Variants in FAM124A observed in about 807,000 individuals in gnomAD.
FAM124A encodes the protein family with sequence similarity 124 member A.
In FAM124A, 23 loss-of-function variants were observed where a neutral mutation model predicts 24.5. The ratio of observed to expected loss-of-function variants is 0.94; its 90% CI spans 0.68 to 1.33. The LOEUF (loss-of-function observed/expected upper bound fraction) is 1.33. Among genes scored for constraint, FAM124A ranks in the 40% most tolerant of loss-of-function variants. FAM124A has a pLI of 0.00. For missense variants in FAM124A, 623 were observed against 722.8 expected (o/e 0.86, Z 1.58); for synonymous variants, 287 against 314.7 (o/e 0.91, Z 0.93).
At chr13:51,234,817 C>T (rs1254640274) in intron 2 of FAM124A, among the ~76,000 whole-genome samples, 1 of 152,190 alleles carries the variant, frequency 6.6e-6, no homozygotes, top group Non-Finnish European at 1.5e-5. Context: ...CCAGAATCAA[C>T]CCGAGCTTCT....
chr13:51,224,319 G>C (rs1227717462), intron 1 of FAM124A, among the ~76,000 whole-genome samples: 1 of 152,118 alleles, frequency 6.6e-6, no homozygotes, highest in African/African-American at 2.4e-5. Context: ...AAAATATACA[G>C]AATTAGCCAG....
rs774406822 is a variant in FAM124A at position 51,251,991 on chromosome 13, C to G, written c.624C>G (p.Phe208Leu). The G allele has an allele frequency of 1.9e-6, 3 of 1,614,136 alleles. No homozygotes were observed. The highest frequency in any genetic ancestry group is 1.3e-5 in the African/African-American group (1 of 74,950). Residue 208 changes from phenylalanine to leucine, a missense_variant, in exon 3 of 4, where the codon TTC (phenylalanine) becomes TTG (leucine). Coordinates refer to ENST00000322475, the MANE Select transcript of FAM124A (RefSeq NM_001242312.2). The surrounding 1 kb of genome is among the most constrained non-coding windows in gnomAD (Gnocchi z 5.3). ...PSQKKADFCI[F>L]PIFSNLDVDI... Reference sequence around the variant, plus strand: ...AGAAGAAAGCGGACTTCTGCATCTTCCCTATTTTTTCCAACCTGGATGTGG... The same window carrying G: ...AGAAGAAAGCGGACTTCTGCATCTTGCCTATTTTTTCCAACCTGGATGTGG...
intron 3 of FAM124A, among the ~76,000 whole-genome samples, chr13:51,254,482 C>T (rs1305054129): frequency 1.3e-5 from 2 of 152,134 alleles, no homozygotes; most frequent in East Asian, 3.8e-4. Flanking sequence ...GAAAGCTGTC[C>T]TCCTCCTAAA....
intron 3 of FAM124A, among the ~76,000 whole-genome samples, chr13:51,278,179 C>T (rs1954902024): frequency 6.6e-6 from 1 of 152,198 alleles, no homozygotes; most frequent in Admixed American, 6.5e-5. Context: ...CTCAGGAGGG[C>T]AGCCTCCAAG....
intron 3 of FAM124A, among the ~76,000 whole-genome samples, chr13:51,278,883 T>C (rs1954909617): frequency 6.6e-6 from 1 of 152,244 alleles, no homozygotes; most frequent in South Asian, 2.1e-4. Flanking sequence ...TCCCTGACAC[T>C]GGGAACATTT....
At chr13:51,267,418 G>T (rs532005904) in intron 3 of FAM124A, among the ~76,000 whole-genome samples, 21 of 152,244 alleles carry the variant, frequency 1.4e-4, no homozygotes, top group African/African-American at 4.1e-4. Flanking sequence ...ATTGCAAATA[G>T]ATTTTTCTAG....
intron 3 of FAM124A, among the ~76,000 whole-genome samples, chr13:51,257,530 T>A (rs1249596438): frequency 6.6e-6 from 1 of 152,194 alleles, no homozygotes; most frequent in Non-Finnish European, 1.5e-5. Flanking sequence ...ATGCATCAGA[T>A]CATGTCTCTT....
rs779427558 is a variant in FAM124A at position 51,252,001 on chromosome 13, T to A, written c.634T>A (p.Ser212Thr). 40 of 1,614,206 alleles carry A rather than the reference T, an allele frequency of 2.5e-5. 1 individual carries two copies. In the South Asian group the frequency reaches 4.4e-4, roughly 18 times the overall value. ...GGACTTCTGCATCTTCCCTATTTTT[T>A]CCAACCTGGATGTGGACATCCAGTT... ...KADFCIFPIF[S>T]NLDVDIQFSL... The change falls in exon 3 of 4, where the codon TCC becomes ACC. Residue 212 changes from serine to threonine, a missense_variant. Ser to Thr is a moderately conservative substitution (Grantham distance 58). Transcript: ENST00000322475.
chr13:51,222,624 G>C (rs1164476368), intron 1 of FAM124A, 55 bp downstream of exon 1: 3 of 1,211,596 alleles, frequency 2.5e-6, no homozygotes, highest in East Asian at 6.6e-5. Context: ...GTTGCGCGGC[G>C]GCTCCTCCCC....
chr13:51,262,186 G>A (rs920411538), intron 3 of FAM124A, among the ~76,000 whole-genome samples: 7 of 152,202 alleles, frequency 4.6e-5, no homozygotes, highest in Non-Finnish European at 1.0e-4. Flanking sequence ...TCTGTCCTGC[G>A]ACCTGCCAGC....
At chr13:51,256,394 A>G (rs1034515890) in intron 3 of FAM124A, among the ~76,000 whole-genome samples, 1 of 152,204 alleles carries the variant, frequency 6.6e-6, no homozygotes, top group African/African-American at 2.4e-5. Context: ...GCTGCAACTA[A>G]CGGTTTTAAA....
At chr13:51,266,114 T>C (rs1192542540) in intron 3 of FAM124A, among the ~76,000 whole-genome samples, 1 of 152,212 alleles carries the variant, frequency 6.6e-6, no homozygotes, top group Non-Finnish European at 1.5e-5. Flanking sequence ...TTGAAAGTTT[T>C]ATAATAAACA....
chr13:51,237,828 G>A (rs1228203863), intron 2 of FAM124A, among the ~76,000 whole-genome samples: 1 of 152,172 alleles, frequency 6.6e-6, no homozygotes, highest in East Asian at 1.9e-4. Flanking sequence ...TGTATGGTAT[G>A]AGAGAGCACC....
At chr13:51,263,116 G>A (rs1004522133) in intron 3 of FAM124A, among the ~76,000 whole-genome samples, 3 of 152,192 alleles carry the variant, frequency 2.0e-5, no homozygotes, top group Non-Finnish European at 4.4e-5. Flanking sequence ...CGGACCAAGG[G>A]TGGGGAGGGA....
At chr13:51,275,047 G>A (rs1954873158) in intron 3 of FAM124A, among the ~76,000 whole-genome samples, 1 of 152,066 alleles carries the variant, frequency 6.6e-6, no homozygotes, top group Non-Finnish European at 1.5e-5. Flanking sequence ...GGTTCACAAT[G>A]GCTACTGGAT....
chr13:51,261,458 A>G (rs1055398054), intron 3 of FAM124A, among the ~76,000 whole-genome samples: 1 of 152,208 alleles, frequency 6.6e-6, no homozygotes, highest in Non-Finnish European at 1.5e-5. Flanking sequence ...TTCTCAGAGC[A>G]TCATCTGGGT....
At chr13:51,269,016 C>T (rs780714608) in intron 3 of FAM124A, among the ~76,000 whole-genome samples, 1 of 152,178 alleles carries the variant, frequency 6.6e-6, no homozygotes, top group Non-Finnish European at 1.5e-5. Context: ...GGAAGTTAGC[C>T]ACAATCTGAG....
intron 3 of FAM124A, among the ~76,000 whole-genome samples, chr13:51,255,080 CA>C (rs1954661706): frequency 6.6e-6 from 1 of 151,636 alleles, no homozygotes; most frequent in African/African-American, 2.4e-5. Flanking sequence ...ATTTCTAGTC[CA>C]AAAAAATTGG....
At chr13:51,225,026 A>G (rs1325739841) in intron 1 of FAM124A, 2 of 152,170 alleles carry the variant, frequency 1.3e-5, no homozygotes, top group African/African-American at 4.8e-5. Flanking sequence ...TAAGGCAGTG[A>G]TCCTTAATTT....
Sources: allele counts gnomAD v4.1 joint callset (sites outside exome capture counted in the v4.1 genomes callset), GRCh38; gene constraint gnomAD v4.1.1; non-coding constraint Gnocchi (gnomAD v3.1); transcripts MANE v1.5; gene names NCBI Gene and HGNC (gene_info 2026-07-23, HGNC 2026-07-21).